RBFOX1: variants seen among roughly 807,000 people sequenced by gnomAD.
RBFOX1 encodes RNA binding protein fox-1 homolog 1.
A neutral mutation model predicts 57.7 loss-of-function variants in RBFOX1; 8 were observed. The observed-to-expected ratio is 0.14, with a 90% CI of 0.08 to 0.25. RBFOX1 has a LOEUF of 0.25. Among genes scored for constraint, RBFOX1 ranks in the 10% least tolerant of loss-of-function variants. The pLI is 1.00. For synonymous variants in RBFOX1, 326 were observed against 222.4 expected (o/e 1.47, Z -4.15); for missense variants, 611 against 548.5 (o/e 1.11, Z -1.14).
chr16:6,275,925 G>T (rs188126888), intron 1 of RBFOX1, among the ~76,000 whole-genome samples: 1 of 152,236 alleles, frequency 6.6e-6, no homozygotes, highest in East Asian at 1.9e-4. Flanking sequence ...CAGTTGATAC[G>T]TGATGGCAAG....
At chr16:7,264,829 G>A (rs986898871) in intron 4 of RBFOX1, among the ~76,000 whole-genome samples, 2 of 152,156 alleles carry the variant, frequency 1.3e-5, no homozygotes, top group Admixed American at 1.3e-4. Flanking sequence ...AGTACCCAGA[G>A]GGTAAAAAGT....
At chr16:6,552,301 C>G (rs910112059) in intron 2 of RBFOX1, among the ~76,000 whole-genome samples, 13 of 152,254 alleles carry the variant, frequency 8.5e-5, no homozygotes, top group South Asian at 2.1e-4. Context: ...TAACTAATAT[C>G]AGGAAACCAA....
chr16:5,949,257 C>G (rs1335401566), intron 4 of RBFOX1, among the ~76,000 whole-genome samples: 1 of 152,082 alleles, frequency 6.6e-6, no homozygotes, highest in Non-Finnish European at 1.5e-5. Flanking sequence ...TCCTTTCTAG[C>G]TATCTTTAAA....
At chr16:6,689,101 T>C (rs1184350568) in intron 3 of RBFOX1, among the ~76,000 whole-genome samples, 2 of 152,194 alleles carry the variant, frequency 1.3e-5, no homozygotes, top group African/African-American at 2.4e-5. Context: ...TAAACATACA[T>C]GTGCATATGT....
At chr16:5,817,373 G>C (rs1268962567) in intron 3 of RBFOX1, among the ~76,000 whole-genome samples, 1 of 152,210 alleles carries the variant, frequency 6.6e-6, no homozygotes, top group Non-Finnish European at 1.5e-5. Context: ...AACTCTCACT[G>C]ATATCCCATT....
intron 3 of RBFOX1, among the ~76,000 whole-genome samples, chr16:6,915,064 C>T (rs901669151): frequency 3.3e-5 from 5 of 152,350 alleles, no homozygotes; most frequent in Non-Finnish European, 5.9e-5. Flanking sequence ...CAGAACATTC[C>T]TCAGTTGACT....
chr16:5,274,954 C>T (rs1225475017), intron 1 of RBFOX1, among the ~76,000 whole-genome samples: 1 of 152,206 alleles, frequency 6.6e-6, no homozygotes, highest in Non-Finnish European at 1.5e-5. Flanking sequence ...GGGCTTATCA[C>T]CTCATGTACT....
chr16:5,336,377 C>T (rs560129740), intron 1 of RBFOX1, among the ~76,000 whole-genome samples: 1 of 152,194 alleles, frequency 6.6e-6, no homozygotes, highest in Non-Finnish European at 1.5e-5. Context: ...TGGCACCCCT[C>T]TCTGAATCCC....
chr16:6,013,167 T>C (rs561115432), intron 4 of RBFOX1, among the ~76,000 whole-genome samples: 2 of 152,214 alleles, frequency 1.3e-5, no homozygotes, highest in Non-Finnish European at 2.9e-5. Flanking sequence ...ATATGGAATA[T>C]GAACGCAGGC....
chr16:6,575,898 G>C lies in RBFOX1; in HGVS notation c.-63-78705G>C, dbSNP rs34044590. ...ATAAATAAATAAATAAATAAATAAAGATTAATAAAAACATGCAAGATAATT... is the reference window on the plus strand; with the variant it reads ...ATAAATAAATAAATAAATAAATAAACATTAATAAAAACATGCAAGATAATT... On this transcript the variant is annotated intron_variant, in intron 2 of 15. Transcript: ENST00000550418. Among the ~76,000 whole-genome samples the C allele has an allele frequency of 2.3e-5, 3 of 132,412 alleles. No individual in the cohort carries two copies. The East Asian group carries it at 6.6e-4, about 29-fold the overall frequency. The allele number at this position is 132,412 out of a possible 152,430, so 86.9% of individuals were successfully genotyped here.
intron 2 of RBFOX1, among the ~76,000 whole-genome samples, chr16:6,393,763 T>A (rs2092705674): frequency 6.6e-6 from 1 of 152,158 alleles, no homozygotes; most frequent in Non-Finnish European, 1.5e-5. Flanking sequence ...TACCTCATCA[T>A]GTTATGTTAG....
At chr16:7,701,345 CCT>C (rs1396039177) in intron 14 of RBFOX1, among the ~76,000 whole-genome samples, 1 of 152,146 alleles carries the variant, frequency 6.6e-6, no homozygotes, top group African/African-American at 2.4e-5. Flanking sequence ...GCAGCCGCCC[CCT>C]CTCACTCACA....
intron 4 of RBFOX1, among the ~76,000 whole-genome samples, chr16:7,412,260 C>G (rs781034569): frequency 1.3e-5 from 2 of 151,548 alleles, no homozygotes; most frequent in African/African-American, 2.4e-5. Flanking sequence ...ACTAAAAATA[C>G]AAAAATTAGC....
intron 1 of RBFOX1, among the ~76,000 whole-genome samples, chr16:5,396,078 G>A (rs1240846594): frequency 3.3e-5 from 5 of 152,166 alleles, no homozygotes; most frequent in African/African-American, 1.2e-4. Flanking sequence ...TAGAAACTGT[G>A]AGATAACAAA....
chr16:5,271,739 C>A (rs564155217), intron 1 of RBFOX1, among the ~76,000 whole-genome samples: 1 of 152,346 alleles, frequency 6.6e-6, no homozygotes, highest in South Asian at 2.1e-4. Context: ...TGACCAGTGT[C>A]TCCTATCCCC....
intron 3 of RBFOX1, among the ~76,000 whole-genome samples, chr16:5,684,639 G>A (rs557482046): frequency 6.6e-6 from 1 of 152,130 alleles, no homozygotes; most frequent in Non-Finnish European, 1.5e-5. Context: ...TTTTAAATGG[G>A]ACCCAAAGTT....
chr16:5,655,981 A>G (rs1404223792), intron 3 of RBFOX1, among the ~76,000 whole-genome samples: 2 of 152,330 alleles, frequency 1.3e-5, no homozygotes, highest in East Asian at 3.9e-4. Flanking sequence ...CTTGTTCACC[A>G]CAATGTCAGC....
At chr16:6,313,791 T>C (rs908069591) in intron 1 of RBFOX1, among the ~76,000 whole-genome samples, 2 of 150,046 alleles carry the variant, frequency 1.3e-5, no homozygotes, top group Non-Finnish European at 2.9e-5. Flanking sequence ...TCACGTAGTT[T>C]GCAAGAGTAA....
intron 4 of RBFOX1, among the ~76,000 whole-genome samples, chr16:7,499,251 C>G (rs548345937): frequency 6.6e-6 from 1 of 152,258 alleles, no homozygotes; most frequent in African/African-American, 2.4e-5. Context: ...TCTTTGGCAT[C>G]CCTTGAGTTG....
Sources: gnomAD v4.1 joint callset for allele counts (sites outside exome capture counted in the v4.1 genomes callset) on GRCh38, gnomAD v4.1.1 for gene constraint, MANE v1.5 for transcripts, NCBI Gene and HGNC (gene_info 2026-07-23, HGNC 2026-07-21) for gene names.